The following OIP5 variants were observed in gnomAD, a reference collection of about 807,000 sequenced individuals.
The protein encoded by OIP5 is Opa interacting protein 5.
In OIP5, 24 loss-of-function variants were observed where a neutral mutation model predicts 20.3. The observed-to-expected ratio is 1.18, with a 90% CI of 0.86 to 1.66. OIP5 has a LOEUF of 1.66. OIP5 is among the 40% of genes most tolerant of loss of function. The pLI, the probability that OIP5 is intolerant of heterozygous loss-of-function variation, is 0.00. For synonymous variants in OIP5, 143 were observed against 121.3 expected (o/e 1.18, Z -1.17); for missense variants, 339 against 289.5 (o/e 1.17, Z -1.24).
rs543221614 is a variant in OIP5, at chr15:41,309,276, T to C, written c.*478A>G. ...CAACTGAAAAAGACAAATTGTATAT[T>C]ATTCAGGCAATTTATTAAACATTAC... is the stretch of plus-strand genomic sequence containing the variant. On this transcript the variant is annotated 3_prime_UTR_variant, in exon 5 of 5. Transcript: ENST00000220514. 1 of 152,402 alleles carries C rather than the reference T, an allele frequency of 6.6e-6. No homozygotes were observed. Among genetic ancestry groups the C allele is most frequent in the East Asian group, 1.9e-4 (1 of 5,194 alleles). 9.4% of individuals were successfully genotyped at this position (152,402 alleles called of 1,614,324 possible). A position where few individuals can be genotyped will look rare whatever the true frequency, so the allele number is the denominator to read the frequency against.
chr15:41,322,730 T>A (rs1367484382), intron 2 of OIP5, among the ~76,000 whole-genome samples: 5 of 151,684 alleles, frequency 3.3e-5, no homozygotes, highest in Admixed American at 6.6e-5. Flanking sequence ...AGGTCAGGAG[T>A]TCGAGACCAG....
intron 3 of OIP5, among the ~76,000 whole-genome samples, chr15:41,317,306 G>C (rs1433539807): frequency 6.6e-6 from 1 of 151,666 alleles, no homozygotes; most frequent in Admixed American, 6.6e-5. Context: ...CACGTAACTG[G>C]TATTTCTGGG....
intron 2 of OIP5, among the ~76,000 whole-genome samples, chr15:41,325,335 G>A (rs1307358477): frequency 6.6e-6 from 1 of 152,002 alleles, no homozygotes; most frequent in Non-Finnish European, 1.5e-5. Flanking sequence ...GAACCCAGGA[G>A]GCTGAGCTTG....
At chr15:41,314,225 C>T (rs906299310) in intron 3 of OIP5, among the ~76,000 whole-genome samples, 11 of 152,136 alleles carry the variant, frequency 7.2e-5, no homozygotes, top group Non-Finnish European at 1.3e-4. Flanking sequence ...CCGCAGCCTC[C>T]CGAGTAGCTG....
At chr15:41,318,488 G>C (rs2047802498) in intron 3 of OIP5, among the ~76,000 whole-genome samples, 1 of 151,914 alleles carries the variant, frequency 6.6e-6, no homozygotes, top group African/African-American at 2.4e-5. Context: ...GAGATGGGAG[G>C]CTTCACCATG....
chr15:41,328,620 C>T (rs2047877241), intron 2 of OIP5, among the ~76,000 whole-genome samples: 1 of 152,046 alleles, frequency 6.6e-6, no homozygotes, highest in Admixed American at 6.6e-5. Context: ...CGGAAGTAAC[C>T]TTGTATCTGT....
chr15:41,311,465 A>G (rs1595497874), intron 4 of OIP5, among the ~76,000 whole-genome samples: 2 of 152,106 alleles, frequency 1.3e-5, no homozygotes, highest in Non-Finnish European at 2.9e-5. Flanking sequence ...CCTTGAAGAA[A>G]ATTTCCACAG....
intron 2 of OIP5, among the ~76,000 whole-genome samples, chr15:41,320,724 G>A (rs567925589): frequency 6.6e-6 from 1 of 152,250 alleles, no homozygotes; most frequent in Admixed American, 6.5e-5. Context: ...GAAGTGAGGA[G>A]CGTCTCTGCC....
Position 41,312,195 on chromosome 15 carries a change from C to T in OIP5, c.594+1078G>A, listed in dbSNP as rs1157775377. On this transcript the variant is annotated intron_variant, in intron 4 of 4. Transcript: ENST00000220514. ...TTTTTTTTTGAGACAGATTTTCACT[C>T]TTGTTGCTCAGGCTAGAGTGCAATG... 1.2e-3 allele frequency among the ~76,000 whole-genome samples: 120 copies of T among 101,060 alleles called. 5 individuals are homozygous for T. The highest frequency in any genetic ancestry group is 3.2e-3 in the African/African-American group (117 of 36,280). The allele number at this position is 101,060 out of a possible 152,430, so 66.3% of individuals were successfully genotyped here.
chr15:41,318,031 A>G (rs925690365), intron 3 of OIP5, among the ~76,000 whole-genome samples: 2 of 152,182 alleles, frequency 1.3e-5, no homozygotes, highest in African/African-American at 2.4e-5. Context: ...CATGATACAA[A>G]TCACACATGA....
In OIP5 at chr15:41,309,580, C is replaced by A; in HGVS notation, c.*174G>T. ...TATAAAAGAGAAGAATCCTTAGTCT[C>A]TCATCTTCTAAAAACAGCTTCACAA... On this transcript the variant is annotated 3_prime_UTR_variant, in exon 5 of 5. Transcript: ENST00000220514. 2.0e-6 allele frequency: 1 copy of A among 498,348 alleles called. No individual in the cohort carries two copies. Among genetic ancestry groups the A allele is most frequent in the Non-Finnish European group, 3.6e-6 (1 of 280,666 alleles). 30.9% of individuals were successfully genotyped at this position (498,348 alleles called of 1,614,324 possible).
At chr15:41,310,710 T>C (rs1199310031) in intron 4 of OIP5, among the ~76,000 whole-genome samples, 1 of 152,058 alleles carries the variant, frequency 6.6e-6, no homozygotes, top group Non-Finnish European at 1.5e-5. Flanking sequence ...ACTGCTACTG[T>C]GAAGATGAAT....
At chr15:41,318,837 G>C (rs2047804369) in intron 3 of OIP5, among the ~76,000 whole-genome samples, 1 of 151,464 alleles carries the variant, frequency 6.6e-6, no homozygotes, top group South Asian at 2.1e-4. Flanking sequence ...TGGGACTATA[G>C]GGGCACGCCG....
intron 3 of OIP5, among the ~76,000 whole-genome samples, chr15:41,316,272 T>C (rs28583065): frequency 0.38 from 57,251 of 151,950 alleles, 11,918 homozygotes; most frequent in African/African-American, 0.57. Flanking sequence ...GATCATGCCA[T>C]TGCACTTCCA....
rs780241051 is a variant in OIP5, at chr15:41,309,899, TATTTTAAG to T, written c.595-58_595-51del. 4.5e-6 allele frequency: 6 copies of T among 1,323,586 alleles called. No individual in the cohort carries two copies. The African/African-American group carries it at 8.8e-5, about 19-fold the overall frequency. 82.0% of individuals were successfully genotyped at this position (1,323,586 alleles called of 1,614,324 possible). On this transcript the variant is annotated intron_variant, in intron 4 of 4. Coordinates refer to ENST00000220514, the MANE Select transcript of OIP5 (RefSeq NM_007280.2). The stretch of plus-strand genomic sequence containing the variant: ...CAGGGCATCTTTTTTTATTTTTACT[TATTTTAAG>T]AGACAGGGTCTCACTCTGTTGCCTG...
At chr15:41,323,804 C>T (rs551432989) in intron 2 of OIP5, among the ~76,000 whole-genome samples, 1 of 152,102 alleles carries the variant, frequency 6.6e-6, no homozygotes, top group South Asian at 2.1e-4. Flanking sequence ...CTCCTTTCTA[C>T]CTATGAAAGT....
rs142135393 is a variant in OIP5, at chr15:41,328,400, T to C, written c.389+3515A>G. ...GTGACAGGTAGACAGAGGTTCATTA[T>C]ATTCTTCTCTCGGGTTTGAATTTGC... On this transcript the variant is annotated intron_variant, in intron 2 of 4. Transcript: ENST00000220514. 6.2e-3 allele frequency among the ~76,000 whole-genome samples: 939 copies of C among 152,358 alleles called. 14 individuals are homozygous for C. The highest frequency in any genetic ancestry group is 0.021 in the African/African-American group (883 of 41,582).
chr15:41,311,848 G>C lies in OIP5; in HGVS notation c.594+1425C>G, dbSNP rs1272696779. On this transcript the variant is annotated intron_variant, in intron 4 of 4. Transcript: ENST00000220514. ...CTCAAAGTGCTGGGATTACAGGTGT[G>C]AGCCACCGCACCCAGCCAATAAGAA... Among the ~76,000 whole-genome samples the C allele has an allele frequency of 1.7e-4, 17 of 102,788 alleles. 1 individual carries two copies. The East Asian group carries it at 3.2e-3, about 20-fold the overall frequency. The allele number at this position is 102,788 out of a possible 152,430, so 67.4% of individuals were successfully genotyped here. A position where few individuals can be genotyped will look rare whatever the true frequency, so the allele number is the denominator to read the frequency against.
chr15:41,313,400 AT>A, intron 3 of OIP5, 46 bp from the exon 4 acceptor site: 1 of 1,077,432 alleles, frequency 9.3e-7, no homozygotes, highest in Non-Finnish European at 1.4e-6. Flanking sequence ...CATGGTTAAG[AT>A]TATAAAAGAA....
Sources: gnomAD v4.1 joint callset for allele counts (sites outside exome capture counted in the v4.1 genomes callset) on GRCh38, gnomAD v4.1.1 for gene constraint, MANE v1.5 for transcripts, NCBI Gene and HGNC (gene_info 2026-07-23, HGNC 2026-07-21) for gene names.